CMIP: variants seen among roughly 807,000 people sequenced by gnomAD.
CMIP encodes C-Maf-inducing protein.
A neutral mutation model predicts 97.3 loss-of-function variants in CMIP; 13 were observed. The ratio of observed to expected loss-of-function variants is 0.13; its 90% CI spans 0.09 to 0.21. The LOEUF (loss-of-function observed/expected upper bound fraction) is 0.21, where lower values mean the gene tolerates loss of function less well. Among genes scored for constraint, CMIP ranks in the 10% least tolerant of loss-of-function variants. The probability of loss-of-function intolerance (pLI) is 1.00; values close to 1 mark genes in which losing one functional copy is unlikely to be tolerated. For synonymous variants in CMIP, 538 were observed against 436.3 expected (o/e 1.23, Z -2.91); for missense variants, 847 against 1,024.9 (o/e 0.83, Z 2.37).
chr16:81,522,897 T>C (rs1371764160), intron 1 of CMIP, among the ~76,000 whole-genome samples: 1 of 152,202 alleles, frequency 6.6e-6, no homozygotes, highest in East Asian at 1.9e-4. Flanking sequence ...CACATAATCA[T>C]AAACAATATA....
chr16:81,484,712 C>G (rs1408270624), intron 1 of CMIP, among the ~76,000 whole-genome samples: 2 of 152,166 alleles, frequency 1.3e-5, no homozygotes, highest in Non-Finnish European at 2.9e-5. Context: ...TTGTGCGCAT[C>G]CAGTACTCGG....
chr16:81,579,346 C>T (rs2091256720), intron 1 of CMIP, among the ~76,000 whole-genome samples: 1 of 152,164 alleles, frequency 6.6e-6, no homozygotes, highest in Non-Finnish European at 1.5e-5. Context: ...ACTCTTTGGC[C>T]CTAGCTCTGC....
intron 1 of CMIP, among the ~76,000 whole-genome samples, chr16:81,448,502 C>T (rs923524088): frequency 6.6e-6 from 1 of 152,192 alleles, no homozygotes; most frequent in Non-Finnish European, 1.5e-5. Context: ...TCCAAGGGAC[C>T]TGATAGCCCT....
chr16:81,541,532 C>G lies in CMIP; in HGVS notation c.301-66035C>G, dbSNP rs182797286. 2.8e-3 allele frequency among the ~76,000 whole-genome samples: 419 copies of G among 152,286 alleles called. 2 individuals are homozygous for G. The highest frequency in any genetic ancestry group is 9.2e-3 in the African/African-American group (381 of 41,546). On this transcript the variant is annotated intron_variant, in intron 1 of 20. Transcript: ENST00000537098. Reference sequence around the variant, plus strand: ...TCCATGAGTTGAGCTGTTTGTTTACCAAACCTGGTTACGCTGGTGAGAGGT... The same window carrying G: ...TCCATGAGTTGAGCTGTTTGTTTACGAAACCTGGTTACGCTGGTGAGAGGT...
intron 1 of CMIP, among the ~76,000 whole-genome samples, chr16:81,496,023 G>A (rs1444744615): frequency 6.6e-6 from 1 of 152,166 alleles, no homozygotes; most frequent in Non-Finnish European, 1.5e-5. Flanking sequence ...GTTGTTCCAG[G>A]GAAGGGAGAG....
chr16:81,639,837 C>T (rs767965493), intron 3 of CMIP, among the ~76,000 whole-genome samples: 1 of 152,140 alleles, frequency 6.6e-6, no homozygotes, highest in African/African-American at 2.4e-5. Flanking sequence ...ATTCTAAGCC[C>T]CTTGGGTGGT....
chr16:81,584,833 G>T (rs558253145), intron 1 of CMIP, among the ~76,000 whole-genome samples: 4 of 152,208 alleles, frequency 2.6e-5, no homozygotes, highest in Non-Finnish European at 5.9e-5. Flanking sequence ...TGCAAGGAAG[G>T]GGTTCATGTG....
At chr16:81,466,026 C>G (rs897186235) in intron 1 of CMIP, among the ~76,000 whole-genome samples, 15 of 148,232 alleles carry the variant, frequency 1.0e-4, no homozygotes, top group Admixed American at 8.8e-4. Flanking sequence ...TTCTTTTCTT[C>G]TCTCTTGTTT....
At chr16:81,667,368 C>T (rs137939191) in intron 7 of CMIP, 15 of 152,342 alleles carry the variant, frequency 9.8e-5, no homozygotes, top group African/African-American at 3.6e-4. Flanking sequence ...CTCTGTGCCC[C>T]CACGCCACTC....
chr16:81,633,536 A>T (rs1278694041), intron 3 of CMIP, among the ~76,000 whole-genome samples: 1 of 152,214 alleles, frequency 6.6e-6, no homozygotes, highest in Non-Finnish European at 1.5e-5. Context: ...GGGAGAGAGG[A>T]TAATTGACCG....
intron 1 of CMIP, among the ~76,000 whole-genome samples, chr16:81,557,293 GTGTTGGTTGAATTTACTGA>G (rs141228569): frequency 0.076 from 11,227 of 146,780 alleles, 581 homozygotes; most frequent in South Asian, 0.096. Flanking sequence ...GAATTCACTC[GTGTTGGTTGAATTTACTGA>G]TGTTGGTTGA....
chr16:81,564,654 G>A (rs2090947492), intron 1 of CMIP, among the ~76,000 whole-genome samples: 4 of 152,362 alleles, frequency 2.6e-5, no homozygotes, highest in Non-Finnish European at 5.9e-5. Flanking sequence ...ATGGGGCAGT[G>A]GGTCGGGCTG....
intron 1 of CMIP, among the ~76,000 whole-genome samples, chr16:81,506,167 G>A (rs77383633): frequency 0.043 from 6,478 of 152,218 alleles, 479 homozygotes; most frequent in African/African-American, 0.15. Context: ...ACCAAGGCTC[G>A]GAGAGGTTAA....
chr16:81,629,409 C>G (rs568010235), intron 3 of CMIP, among the ~76,000 whole-genome samples: 3 of 152,194 alleles, frequency 2.0e-5, no homozygotes, highest in South Asian at 2.1e-4. Flanking sequence ...CTCCCTCACT[C>G]TATACAGTGA....
At chr16:81,500,456 C>T (rs2089587344) in intron 1 of CMIP, among the ~76,000 whole-genome samples, 2 of 138,326 alleles carry the variant, frequency 1.4e-5, no homozygotes, top group African/African-American at 2.7e-5. Flanking sequence ...TTCCTCCCTC[C>T]CTCCCTCCTT....
intron 1 of CMIP, among the ~76,000 whole-genome samples, chr16:81,446,874 C>G (rs1168094292): frequency 7.9e-6 from 1 of 127,208 alleles, no homozygotes; most frequent in East Asian, 2.7e-4. Context: ...AGCGTTGCAG[C>G]CCTCGAGGAC....
At chr16:81,705,383 C>T in intron 18 of CMIP, 116 bp from the exon 19 acceptor site, 1 of 706,242 alleles carries the variant, frequency 1.4e-6, no homozygotes, top group Non-Finnish European at 2.4e-6. Context: ...GCTTGGTGGG[C>T]CATGGGCCTC....
intron 10 of CMIP, among the ~76,000 whole-genome samples, chr16:81,679,253 A>ATGTGTGTG (rs71391549): frequency 3.2e-4 from 47 of 148,184 alleles, no homozygotes; most frequent in African/African-American, 1.1e-3. Flanking sequence ...CTCTGTAGGG[A>ATGTGTGTG]TGTGTGTGTG....
chr16:81,663,312 G>A (rs946697686), intron 6 of CMIP, among the ~76,000 whole-genome samples: 3 of 148,708 alleles, frequency 2.0e-5, no homozygotes, highest in South Asian at 2.1e-4. Context: ...AAAAAAAAAC[G>A]AGCTAGCAGA....
Sources: gnomAD v4.1 joint callset for allele counts (sites outside exome capture counted in the v4.1 genomes callset) on GRCh38, gnomAD v4.1.1 for gene constraint, MANE v1.5 for transcripts, NCBI Gene and HGNC (gene_info 2026-07-23, HGNC 2026-07-21) for gene names.